ITGA2B: variants seen among roughly 807,000 people sequenced by gnomAD.
The protein encoded by ITGA2B is integrin subunit alpha 2b.
A neutral mutation model predicts 142.0 loss-of-function variants in ITGA2B; 91 were observed. The observed-to-expected ratio is 0.64, with a 90% CI of 0.54 to 0.76. The LOEUF is 0.76. Among genes scored for constraint, ITGA2B ranks in the 30% least tolerant of loss-of-function variants. ITGA2B has a pLI of 0.00. For synonymous variants in ITGA2B, 536 were observed against 567.2 expected (o/e 0.94, Z 0.78); for missense variants, 1,231 against 1,350.8 (o/e 0.91, Z 1.39).
intron 4 of ITGA2B, 85 bp from the exon 5 acceptor site, chr17:44,385,420 G>A: frequency 6.5e-7 from 1 of 1,544,928 alleles, no homozygotes; most frequent in Non-Finnish European, 8.7e-7. Context: ...ACAGGGGCGG[G>A]GCCTTGAGTC....
At position 44,386,113 on chromosome 17, in the gene ITGA2B, G is replaced by C; in HGVS notation, c.207C>G (p.Gly69=). 2 of 1,601,570 alleles carry C rather than the reference G, an allele frequency of 1.2e-6. No homozygotes were observed. The highest frequency in any genetic ancestry group is 1.7e-6 in the Non-Finnish European group (2 of 1,176,446). The change falls in exon 2 of 30, where the codon GGC becomes GGG. Residue 69 remains glycine, a synonymous_variant. Transcript: ENST00000262407. ...GGCTGGGGCCCAGGGTCCGCGGGGC[G>C]CCCACCACGATGGCCACTCTGCATA... ...DSHGRVAIVV[G]APRTLGPSQE...
rs1441755042 is a variant in ITGA2B, at chr17:44,375,093, A to G, written c.2746T>C (p.Cys916Arg). ...PVLVSCDSAP[C>R]TVVQCDLQEM... ...TGCAGGTCACACTGCACCACAGTAC[A>G]GGGCGCCGAGTCGCAGCTCTGAGGG... The change falls in exon 27 of 30, where the codon TGT becomes CGT. Residue 916 changes from cysteine (C) to arginine (R), a missense_variant. Cys to Arg is a radical substitution (Grantham distance 180). This residue lies in a region of ITGA2B where 908 missense variants were observed against 1,021.1 expected (regional missense o/e 0.89). Transcript: ENST00000262407. 1.3e-6 allele frequency: 2 copies of G among 1,549,152 alleles called. No homozygotes were observed. The highest frequency in any genetic ancestry group is 8.7e-7 in the Non-Finnish European group (1 of 1,146,932).
At chr17:44,379,627 C>G (rs761221026) in intron 18 of ITGA2B, 62 bp downstream of exon 18, 283 of 1,612,706 alleles carry the variant, frequency 1.8e-4, no homozygotes, top group Non-Finnish European at 2.2e-4. Context: ...TGGCACTAAC[C>G]CTAATCCTGA....
chr17:44,377,801 G>C lies in ITGA2B; in HGVS notation c.2095-11C>G. Reference sequence around the variant, plus strand: ...GAGTCTCTCAAAGCCCTTCAGGAAGGCAGTTCCAAGAAAGAAATTACAGAG... The same window carrying C: ...GAGTCTCTCAAAGCCCTTCAGGAAGCCAGTTCCAAGAAAGAAATTACAGAG... On this transcript the variant is annotated splice_polypyrimidine_tract_variant and intron_variant, in intron 20 of 29. Transcript: ENST00000262407. 1 of 1,577,360 alleles carries C rather than the reference G, an allele frequency of 6.3e-7. No individual in the cohort carries two copies. The highest frequency in any genetic ancestry group is 1.1e-5 in the South Asian group (1 of 90,490).
intron 21 of ITGA2B, 71 bp from the exon 22 acceptor site, chr17:44,377,159 C>T (rs1237832254): frequency 1.8e-6 from 2 of 1,112,004 alleles, no homozygotes; most frequent in Non-Finnish European, 2.7e-6. Flanking sequence ...TGAATGTGGC[C>T]TCCAGTCTTC....
rs2048534751 is a variant in ITGA2B at position 44,375,642 on chromosome 17, G to C, written c.2676C>G (p.Ile892Met). ...AGGGCTGCTCGGGCTCTGGCAGGAA[G>C]ATCTGTCTGCGATCCCGCTTGTGAT... ...PAHHKRDRRQ[I>M]FLPEPEQPSR... The change falls in exon 26 of 30, where the codon ATC (isoleucine) becomes ATG (methionine). Residue 892 changes from isoleucine to methionine, a missense_variant. Ile to Met is a conservative substitution (Grantham distance 10, BLOSUM62 1). Around this residue, in one of 3 missense-constraint regions of ITGA2B, gnomAD observed 908 missense variants for 1,021.1 expected, o/e 0.89. Transcript: ENST00000262407. 2 of 1,613,370 alleles carry C rather than the reference G, an allele frequency of 1.2e-6. No individual in the cohort carries two copies. Among genetic ancestry groups the C allele is most frequent in the Admixed American group, 1.7e-5 (1 of 59,926 alleles).
rs558511658 is a variant in ITGA2B, at chr17:44,375,518, C to A, written c.2727+73G>T. ...AGAGGCCCACAGCACACCCGGACCC[C>A]TCTCCCTCCTCCCATCCCCTCTGCC... On this transcript the variant is annotated intron_variant, in intron 26 of 29. Transcript: ENST00000262407. 9.6e-5 allele frequency: 152 copies of A among 1,579,268 alleles called. 1 individual carries two copies. In the South Asian group the frequency reaches 1.6e-3, roughly 17 times the overall value.
chr17:44,372,380 T>C lies in ITGA2B; in HGVS notation c.3104A>G (p.Asp1035Gly), dbSNP rs1248892718. Residue 1035 changes from aspartate (D) to glycine (G), a missense_variant, in exon 30 of 30, where the codon GAT becomes GGT. Physicochemically the swap from Asp to Gly is moderately conservative, Grantham distance 94 (BLOSUM62 -1). Transcript: ENST00000262407. ...KRNRPPLEED[D>G]EEGE ...GCTGCACCATCACTCCCCCTCTTCA[T>C]CATCTTCTTCCAGGGGTGGCCGGTT... is the stretch of plus-strand genomic sequence containing the variant. 1 of 1,614,040 alleles carries C rather than the reference T, an allele frequency of 6.2e-7. No homozygotes were observed. The highest frequency in any genetic ancestry group is 1.1e-5 in the South Asian group (1 of 91,078).
chr17:44,374,687 G>C lies in ITGA2B; in HGVS notation c.2915C>G (p.Pro972Arg), dbSNP rs551266734. ...NVSSLPYAVP[P>R]LSLPRGEAQV... The stretch of plus-strand genomic sequence containing the variant: ...AGCTTCCCCTCGGGGCAGGCTGAGC[G>C]GGGGCACCGCATAGGGGAGGGAGGA... The change falls in exon 28 of 30, where the codon CCG becomes CGG. Residue 972 changes from proline to arginine, a missense_variant. Transcript: ENST00000262407. 2.5e-6 allele frequency: 4 copies of C among 1,613,946 alleles called. No individual in the cohort carries two copies. Among genetic ancestry groups the C allele is most frequent in the Admixed American group, 1.7e-5 (1 of 60,018 alleles).
intron 12 of ITGA2B, 102 bp from the exon 13 acceptor site, chr17:44,381,163 G>A (rs1291664932): frequency 8.5e-7 from 1 of 1,181,174 alleles, no homozygotes; most frequent in African/African-American, 1.5e-5. Flanking sequence ...AGGAGACTAG[G>A]AAAGGGGTGC....
intron 20 of ITGA2B, 112 bp from the exon 21 acceptor site, chr17:44,377,902 C>G: frequency 2.5e-6 from 1 of 407,018 alleles, no homozygotes. Flanking sequence ...GGGGGGGTTT[C>G]TTGGGGTGGG....
chr17:44,378,332 C>T lies in ITGA2B; in HGVS notation c.2094+30G>A, dbSNP rs201256993. ...CAAGGCTCCAGTGCCTCCCAGGTCC[C>T]GGGTACTGTTCCCAGGGTGGGGGCC... On this transcript the variant is annotated intron_variant, in intron 20 of 29. Transcript: ENST00000262407. 4.2e-5 allele frequency: 67 copies of T among 1,598,740 alleles called. 1 individual carries two copies. Among genetic ancestry groups the T allele is most frequent in the South Asian group, 1.5e-4 (13 of 89,546 alleles).
intron 20 of ITGA2B, 39 bp from the exon 21 acceptor site, chr17:44,377,829 T>A: frequency 8.2e-7 from 1 of 1,226,072 alleles, no homozygotes; most frequent in Non-Finnish European, 1.1e-6. Context: ...TTACAGAGCA[T>A]CATATATATA....
chr17:44,379,683 C>T lies in ITGA2B; in HGVS notation c.1878+6G>A. Reference sequence around the variant, plus strand: ...ACCTCCCTGGCCTGTCCCTGCCTGTCCCTACCTGCTCCTGCACATGGGTGT... The same window carrying T: ...ACCTCCCTGGCCTGTCCCTGCCTGTTCCTACCTGCTCCTGCACATGGGTGT... On this transcript the variant is annotated splice_donor_region_variant and intron_variant, in intron 18 of 29. Transcript: ENST00000262407. 1 of 1,613,656 alleles carries T rather than the reference C, an allele frequency of 6.2e-7. No individual in the cohort carries two copies. The highest frequency in any genetic ancestry group is 1.1e-5 in the South Asian group (1 of 91,058).
At chr17:44,377,603 G>A in intron 21 of ITGA2B, 95 bp downstream of exon 21, 1 of 894,336 alleles carries the variant, frequency 1.1e-6, no homozygotes, top group Non-Finnish European at 1.8e-6. Flanking sequence ...CCAAGATTCT[G>A]GCCCAGAACT....
chr17:44,374,784 C>T (rs780435633), intron 27 of ITGA2B, 24 bp from the exon 28 acceptor site: 1 of 1,590,396 alleles, frequency 6.3e-7, no homozygotes, highest in Non-Finnish European at 8.6e-7. Context: ...GGTTGAAAGC[C>T]GTTTACACCC....
chr17:44,375,725 G>A lies in ITGA2B; in HGVS notation c.2602-9C>T, dbSNP rs2048536486. On this transcript the variant is annotated splice_polypyrimidine_tract_variant and intron_variant, in intron 25 of 29. Transcript: ENST00000262407. ...GGCAGCCCCCAGTCCACCTGGGGGG[G>A]CAAAGGAGTGGTCAGGCCCAGGTCT... is the stretch of plus-strand genomic sequence containing the variant. 3.8e-6 allele frequency: 6 copies of A among 1,570,638 alleles called. No homozygotes were observed. Among genetic ancestry groups the A allele is most frequent in the Non-Finnish European group, 5.2e-6 (6 of 1,157,728 alleles).
At chr17:44,381,189 G>A in intron 12 of ITGA2B, 128 bp from the exon 13 acceptor site, 2 of 835,900 alleles carry the variant, frequency 2.4e-6, no homozygotes, top group African/African-American at 1.7e-5. Flanking sequence ...GTGGGTGAAG[G>A]AGGCACTGCC....
chr17:44,388,771 C>T (rs2048672370), intron 1 of ITGA2B, among the ~76,000 whole-genome samples: 1 of 151,800 alleles, frequency 6.6e-6, no homozygotes, highest in South Asian at 2.1e-4. Flanking sequence ...CCCACCTCTG[C>T]CTCCCAAAGT....
Sources: allele counts gnomAD v4.1 joint callset (sites outside exome capture counted in the v4.1 genomes callset), GRCh38; gene constraint gnomAD v4.1.1; regional missense constraint gnomAD v4.1.1; transcripts MANE v1.5; gene names NCBI Gene and HGNC (gene_info 2026-07-23, HGNC 2026-07-21).